The following FIGN variants were observed in gnomAD, a reference collection of about 807,000 sequenced individuals.
FIGN encodes fidgetin.
In FIGN, 11 loss-of-function variants were observed where a neutral mutation model predicts 51.3. The observed-to-expected ratio is 0.21, with a 90% CI of 0.13 to 0.35. The LOEUF is 0.35. FIGN is among the 10% of genes least tolerant of loss of function. The probability of loss-of-function intolerance (pLI) is 1.00; values close to 1 mark genes in which losing one functional copy is unlikely to be tolerated. For synonymous variants in FIGN, 407 were observed against 363.2 expected, an observed-to-expected ratio of 1.12 and a Z score of -1.37; for missense variants, 857 against 943.6, an observed-to-expected ratio of 0.91 and a Z score of 1.20.
At chr2:163,733,494 A>G (rs144705152) in intron 2 of FIGN, among the ~76,000 whole-genome samples, 1 of 152,346 alleles carries the variant, frequency 6.6e-6, no homozygotes, top group East Asian at 1.9e-4. Flanking sequence ...AATATATATT[A>G]CAGCTTTAAC....
intron 2 of FIGN, among the ~76,000 whole-genome samples, chr2:163,714,919 T>G (rs986056086): frequency 3.3e-5 from 5 of 152,228 alleles, no homozygotes; most frequent in African/African-American, 4.8e-5. Context: ...CTATGTAATA[T>G]TTTTCAAATT....
chr2:163,659,181 T>G (rs1683611681), intron 2 of FIGN, among the ~76,000 whole-genome samples: 1 of 152,220 alleles, frequency 6.6e-6, no homozygotes, highest in African/African-American at 2.4e-5. Flanking sequence ...CCCAAGTTAA[T>G]TTGTGTCTTT....
rs995887732 is a variant in FIGN at position 163,609,261 on chromosome 2, C to A, written c.*291G>T. On this transcript the variant is annotated 3_prime_UTR_variant, in exon 3 of 3. Coordinates refer to ENST00000333129, the MANE Select transcript of FIGN (RefSeq NM_018086.4). ...TGGAATCAACACACGAGGTTCATGT[C>A]CTTCTGAAATCAACACACTTGCACC... 4 of 350,362 alleles carry A rather than the reference C, an allele frequency of 1.1e-5. No individual in the cohort carries two copies. Among genetic ancestry groups the A allele is most frequent in the African/African-American group, 6.3e-5 (3 of 47,818 alleles). 21.7% of individuals were successfully genotyped at this position (350,362 alleles called of 1,614,324 possible).
chr2:163,706,242 C>A (rs1684497591), intron 2 of FIGN, among the ~76,000 whole-genome samples: 1 of 151,942 alleles, frequency 6.6e-6, no homozygotes, highest in Non-Finnish European at 1.5e-5. Flanking sequence ...TTGTTTATTT[C>A]CAACTATTAT....
At chr2:163,632,218 C>A (rs1300843292) in intron 2 of FIGN, among the ~76,000 whole-genome samples, 1 of 152,134 alleles carries the variant, frequency 6.6e-6, no homozygotes, top group Non-Finnish European at 1.5e-5. Flanking sequence ...AAAAGTTATA[C>A]ACTTGGCAAA....
chr2:163,673,866 C>T (rs1683917824), intron 2 of FIGN, among the ~76,000 whole-genome samples: 2 of 152,170 alleles, frequency 1.3e-5, no homozygotes, highest in Non-Finnish European at 2.9e-5. Context: ...TAAAGGTGAA[C>T]ATGTATTACA....
intron 2 of FIGN, among the ~76,000 whole-genome samples, chr2:163,679,977 T>C (rs916173689): frequency 7.9e-5 from 12 of 152,156 alleles, no homozygotes; most frequent in African/African-American, 1.2e-4. Context: ...TGTCATGAAG[T>C]TTGTTAGCAG....
chr2:163,672,780 C>A (rs1683898547), intron 2 of FIGN, among the ~76,000 whole-genome samples: 1 of 152,180 alleles, frequency 6.6e-6, no homozygotes, highest in African/African-American at 2.4e-5. Context: ...TATTTTCTCT[C>A]CTGGGTGCAG....
intron 2 of FIGN, among the ~76,000 whole-genome samples, chr2:163,652,734 T>A (rs1402360342): frequency 3.3e-5 from 5 of 152,128 alleles, no homozygotes; most frequent in Admixed American, 6.6e-5. Context: ...CTTATTATAA[T>A]CCATAATTTA....
At position 163,703,725 on chromosome 2, in the gene FIGN, C is replaced by T. The variant is rs115089739; in HGVS notation, c.25+31178G>A. 5.7e-3 allele frequency among the ~76,000 whole-genome samples: 860 copies of T among 152,178 alleles called. 4 individuals carry two copies. The highest frequency in any genetic ancestry group is 0.048 in the Middle Eastern group (14 of 294). ...TGACCCTCATTGCTTCCTGGCTCTA[C>T]TCATATATGGGCACTGTGTTATGGG... On this transcript the variant is annotated intron_variant, in intron 2 of 2. Transcript: ENST00000333129.
chr2:163,713,471 G>A (rs1684620040), intron 2 of FIGN, among the ~76,000 whole-genome samples: 1 of 151,368 alleles, frequency 6.6e-6, no homozygotes, highest in Non-Finnish European at 1.5e-5. Flanking sequence ...CACACACACA[G>A]AGCCTGCCTC....
intron 2 of FIGN, among the ~76,000 whole-genome samples, chr2:163,660,416 AG>A (rs1246009029): frequency 6.6e-6 from 1 of 152,088 alleles, no homozygotes; most frequent in Non-Finnish European, 1.5e-5. Context: ...CATTTCAGTG[AG>A]GAAAAAAATC....
intron 2 of FIGN, among the ~76,000 whole-genome samples, chr2:163,676,274 G>C (rs1227379496): frequency 2.0e-5 from 3 of 151,222 alleles, no homozygotes; most frequent in Non-Finnish European, 4.4e-5. Flanking sequence ...CCAGTGCCTA[G>C]ATGGAAAAAC....
rs552583443 is a variant in FIGN, at chr2:163,694,905, G to A, written c.25+39998C>T. Among the ~76,000 whole-genome samples the A allele has an allele frequency of 1.8e-3, 269 of 151,960 alleles. 2 individuals are homozygous for A. Among genetic ancestry groups the A allele is most frequent in the Non-Finnish European group, 3.7e-3 (250 of 67,960 alleles). ...TGGGCCCAAGCAATCCTCCTGCCTC[G>A]GCCACCTGAGTAGCTAGGACGACAG... is the stretch of plus-strand genomic sequence containing the variant. On this transcript the variant is annotated intron_variant, in intron 2 of 2. Coordinates refer to ENST00000333129, the MANE Select transcript of FIGN (RefSeq NM_018086.4).
Position 163,734,898 on chromosome 2 carries a change from C to T in FIGN, c.25+5G>A. Reference sequence around the variant, plus strand: ...CAAAGGAAGTAAATTCCAAAACTGACATACCATAAACACTGGTGCTACTGA... The same window carrying T: ...CAAAGGAAGTAAATTCCAAAACTGATATACCATAAACACTGGTGCTACTGA... On this transcript the variant is annotated splice_donor_5th_base_variant and intron_variant, in intron 2 of 2. Coordinates refer to ENST00000333129, the MANE Select transcript of FIGN (RefSeq NM_018086.4). The T allele has an allele frequency of 1.2e-6, 2 of 1,606,440 alleles. No homozygotes were observed. Among genetic ancestry groups the T allele is most frequent in the Non-Finnish European group, 1.7e-6 (2 of 1,177,040 alleles).
At chr2:163,692,258 C>A (rs1684250001) in intron 2 of FIGN, among the ~76,000 whole-genome samples, 1 of 152,092 alleles carries the variant, frequency 6.6e-6, no homozygotes, top group Non-Finnish European at 1.5e-5. Flanking sequence ...TAGGGCCAGT[C>A]TTTCTAGAAG....
chr2:163,693,238 G>A (rs1013787625), intron 2 of FIGN, among the ~76,000 whole-genome samples: 5 of 152,198 alleles, frequency 3.3e-5, no homozygotes, highest in African/African-American at 9.6e-5. Flanking sequence ...GTAGGTGTGT[G>A]TGTACCTGTG....
intron 2 of FIGN, among the ~76,000 whole-genome samples, chr2:163,676,484 A>ATCT (rs1491432139): frequency 7.2e-5 from 4 of 55,702 alleles, no homozygotes; most frequent in Admixed American, 2.4e-4. Context: ...TATATATATA[A>ATCT]CTAGAGTCTG....
chr2:163,701,622 C>G (rs1684409280), intron 2 of FIGN, among the ~76,000 whole-genome samples: 1 of 152,156 alleles, frequency 6.6e-6, no homozygotes, highest in African/African-American at 2.4e-5. Context: ...AGGGGAGGCC[C>G]CTTTGGGACT....
Sources: allele counts gnomAD v4.1 joint callset (sites outside exome capture counted in the v4.1 genomes callset), GRCh38; gene constraint gnomAD v4.1.1; transcripts MANE v1.5; gene names NCBI Gene and HGNC (gene_info 2026-07-23, HGNC 2026-07-21).